C11orf65: variants seen among roughly 807,000 people sequenced by gnomAD.
C11orf65 encodes the protein protein MFI.
C11orf65 carries 38 observed loss-of-function variants against 35.3 expected under a neutral mutation model. The observed-to-expected ratio is 1.08, with a 90% CI of 0.83 to 1.41. The LOEUF is 1.41. C11orf65 is among the 40% of genes most tolerant of loss of function. The pLI is 0.00. For synonymous variants in C11orf65, 105 were observed against 114.4 expected (o/e 0.92, Z 0.53); for missense variants, 370 against 367.1 (o/e 1.01, Z -0.06).
At position 108,365,228 on chromosome 11, in the gene C11orf65, A is replaced by G. The variant is rs1060504308; in HGVS notation, c.226+27980T>C. Reference sequence around the variant, plus strand: ...GCAAACGAAATCTCAGGTGAGCAGTATTTTAAGAAGGTCCTGTTGTCAGTT... The same window carrying G: ...GCAAACGAAATCTCAGGTGAGCAGTGTTTTAAGAAGGTCCTGTTGTCAGTT... On this transcript the variant is annotated intron_variant, in intron 2 of 3. Transcript: ENST00000524755. The G allele has an allele frequency of 7.4e-6, 12 of 1,614,222 alleles. No homozygotes were observed. Among genetic ancestry groups the G allele is most frequent in the Non-Finnish European group, 9.3e-6 (11 of 1,180,040 alleles).
intron 6 of C11orf65, among the ~76,000 whole-genome samples, chr11:108,404,454 C>T (rs1210422697): frequency 6.6e-6 from 1 of 152,220 alleles, no homozygotes; most frequent in Non-Finnish European, 1.5e-5. Context: ...GTCACCCAGG[C>T]TGGAGTGCAG....
intron 2 of C11orf65, among the ~76,000 whole-genome samples, chr11:108,433,251 A>C (rs920325935): frequency 6.7e-6 from 1 of 149,302 alleles, no homozygotes; most frequent in African/African-American, 2.4e-5. Context: ...TTATATATAT[A>C]TATCTCTCTC....
intron 2 of C11orf65, among the ~76,000 whole-genome samples, chr11:108,369,541 A>G (rs893461322): frequency 6.6e-6 from 1 of 152,188 alleles, no homozygotes; most frequent in Non-Finnish European, 1.5e-5. Context: ...GATTTTAACA[A>G]AATGCATTTT....
chr11:108,331,369 A>G, downstream of C11orf65: 1 of 1,547,536 alleles, frequency 6.5e-7, no homozygotes, highest in Non-Finnish European at 8.7e-7. Context: ...CTGTCTTAAA[A>G]TAACTTACTT....
intron 2 of C11orf65, among the ~76,000 whole-genome samples, chr11:108,374,760 A>G (rs1226339453): frequency 5.9e-5 from 9 of 152,210 alleles, no homozygotes; most frequent in Admixed American, 5.2e-4. Flanking sequence ...ACAAATGTAT[A>G]ACTAGAATAA....
chr11:108,396,272 T>C (rs1218311465), intron 6 of C11orf65, among the ~76,000 whole-genome samples: 1 of 151,760 alleles, frequency 6.6e-6, no homozygotes, highest in African/African-American at 2.4e-5. Context: ...TTTGTATTTT[T>C]AGTAGAGATG....
intron 2 of C11orf65, among the ~76,000 whole-genome samples, chr11:108,376,479 A>T (rs1181979362): frequency 6.6e-6 from 1 of 152,226 alleles, no homozygotes; most frequent in Non-Finnish European, 1.5e-5. Flanking sequence ...CATTCAAAGC[A>T]GTGTGTAGAG....
At chr11:108,332,956 G>T (rs2086442914) in intron 3 of C11orf65, 1 of 1,571,922 alleles carries the variant, frequency 6.4e-7, no homozygotes, top group African/African-American at 1.4e-5. Context: ...TCTCTGTAGA[G>T]ATATATTAGT....
chr11:108,407,931 C>CAAAA (rs1215650401), intron 3 of C11orf65, among the ~76,000 whole-genome samples: 4 of 22,662 alleles, frequency 1.8e-4, no homozygotes, highest in African/African-American at 5.0e-4. Flanking sequence ...GACTCTGTCT[C>CAAAA]AAAAAAAAAA....
chr11:108,309,069 T>G, exon 7 of C11orf65: 1 of 1,482,566 alleles, frequency 6.7e-7, no homozygotes, highest in East Asian at 2.5e-5. Context: ...CTGAAGAATA[T>G]TCCTGGAGAA....
intron 2 of C11orf65, among the ~76,000 whole-genome samples, chr11:108,375,738 C>A (rs1177523941): frequency 6.6e-6 from 1 of 151,752 alleles, no homozygotes; most frequent in South Asian, 2.1e-4. Context: ...ATTCAGGAAA[C>A]CCATCTCACG....
intron 2 of C11orf65, among the ~76,000 whole-genome samples, chr11:108,434,533 T>C (rs998090829): frequency 6.6e-5 from 10 of 151,396 alleles, no homozygotes; most frequent in African/African-American, 2.4e-4. Flanking sequence ...ATGGAGGTTA[T>C]TCATAGGCTC....
intron 2 of C11orf65, among the ~76,000 whole-genome samples, chr11:108,437,707 TA>T (rs145337876): frequency 0.17 from 6,375 of 36,956 alleles, 154 homozygotes; most frequent in African/African-American, 0.18. Context: ...GACTCAGTCT[TA>T]AAAAAAAAAA....
Position 108,404,589 on chromosome 11 carries a change from T to TTC in C11orf65, c.560+839_560+840insGA, listed in dbSNP as rs1429133004. On this transcript the variant is annotated intron_variant, in intron 6 of 8. Transcript: ENST00000393084. ...AGCCCGGCTAATTTTTTCTTTTCTT[T>TTC]TTTTTTTTTTTTGGATTTTTAACTA... Among the ~76,000 whole-genome samples, 5 of 149,012 alleles carry TTC rather than the reference T, an allele frequency of 3.4e-5. 1 individual carries two copies. Among genetic ancestry groups the TTC allele is most frequent in the Non-Finnish European group, 4.5e-5 (3 of 67,126 alleles).
chr11:108,317,194 C>A (rs1197603326), intron 6 of C11orf65, among the ~76,000 whole-genome samples: 1 of 152,002 alleles, frequency 6.6e-6, no homozygotes, highest in East Asian at 1.9e-4. Context: ...CTGCCTCAGC[C>A]TCCCAAAGTG....
intron 2 of C11orf65, chr11:108,346,388 A>G (rs2088401087): frequency 1.3e-5 from 2 of 153,402 alleles, no homozygotes; most frequent in African/African-American, 4.8e-5. Context: ...TGTACAATAT[A>G]TATTTTGACT....
At chr11:108,447,607 C>G (rs1041147939) in intron 2 of C11orf65, among the ~76,000 whole-genome samples, 16 of 152,122 alleles carry the variant, frequency 1.1e-4, no homozygotes, top group African/African-American at 3.6e-4. Flanking sequence ...GCACAACATA[C>G]CAGAATCTCT....
chr11:108,466,920 A>AT (rs1263751828), intron 1 of C11orf65, among the ~76,000 whole-genome samples: 1 of 152,184 alleles, frequency 6.6e-6, no homozygotes, highest in Non-Finnish European at 1.5e-5. Flanking sequence ...CGTGGCCTTT[A>AT]TAAGTTTCGT....
intron 1 of C11orf65, among the ~76,000 whole-genome samples, chr11:108,466,261 A>G (rs2093536472): frequency 6.6e-6 from 1 of 152,212 alleles, no homozygotes; most frequent in Non-Finnish European, 1.5e-5. Context: ...AAAACCCTTC[A>G]TAAGTTTTAA....
Sources: gnomAD v4.1 joint callset for allele counts (sites outside exome capture counted in the v4.1 genomes callset) on GRCh38, gnomAD v4.1.1 for gene constraint, MANE v1.5 for transcripts, NCBI Gene and HGNC (gene_info 2026-07-23, HGNC 2026-07-21) for gene names.